GPATCH1: variants seen among roughly 807,000 people sequenced by gnomAD.
The protein encoded by GPATCH1 is G patch domain-containing protein 1.
Under a neutral mutation model 114.9 loss-of-function variants are expected in GPATCH1, and 73 were observed. The observed-to-expected ratio is 0.64, with a 90% CI of 0.53 to 0.77. The LOEUF (loss-of-function observed/expected upper bound fraction) is 0.77. GPATCH1 is among the 30% of genes least tolerant of loss of function. GPATCH1 has a pLI of 0.00. For missense variants in GPATCH1, 1,058 were observed against 1,144.3 expected, an observed-to-expected ratio of 0.92 and a Z score of 1.09; for synonymous variants, 391 against 428.4, an observed-to-expected ratio of 0.91 and a Z score of 1.08.
chr19:33,099,871 A>G (rs1415983300), intron 8 of GPATCH1, among the ~76,000 whole-genome samples: 1 of 151,308 alleles, frequency 6.6e-6, no homozygotes, highest in East Asian at 2.0e-4. Flanking sequence ...CCCGGGTTCA[A>G]GCAATTCTCC....
At chr19:33,084,100 A>G (rs773700236) in intron 1 of GPATCH1, among the ~76,000 whole-genome samples, 1 of 151,978 alleles carries the variant, frequency 6.6e-6, no homozygotes, top group African/African-American at 2.4e-5. Flanking sequence ...GTGAGCCACC[A>G]TGCCCAGCCA....
Position 33,101,535 on chromosome 19 carries a change from T to C in GPATCH1, c.1041T>C (p.Asp347=). 1 of 1,603,974 alleles carries C rather than the reference T, an allele frequency of 6.2e-7. No individual in the cohort carries two copies. Among genetic ancestry groups the C allele is most frequent in the Non-Finnish European group, 8.5e-7 (1 of 1,170,972 alleles). Residue 347 remains aspartate (D), a synonymous_variant, in exon 9 of 20, where the codon GAT becomes GAC. Coordinates refer to ENST00000170564, the MANE Select transcript of GPATCH1 (RefSeq NM_018025.3). ...TTCGGTACGTTGGCAAAATTTTGGA[T>C]GGATTTTCCTTGGCTTCTAAACCTT... The part of the protein sequence containing the change: ...KDLRYVGKIL[D]GFSLASKPLS...
At chr19:33,092,359 T>A (rs1022944403) in intron 3 of GPATCH1, among the ~76,000 whole-genome samples, 2 of 152,114 alleles carry the variant, frequency 1.3e-5, no homozygotes, top group Non-Finnish European at 2.9e-5. Context: ...CAGTCTCTTT[T>A]CTTAAAAGCA....
Position 33,104,028 on chromosome 19 carries a change from G to C in GPATCH1, c.1080+2454G>C, listed in dbSNP as rs553317102. ...AACAATGATTTGGCAGACAGACAGA[G>C]AGAAATACTTTCAATCCAAGACTGG... On this transcript the variant is annotated intron_variant, in intron 9 of 19. Coordinates refer to ENST00000170564, the MANE Select transcript of GPATCH1 (RefSeq NM_018025.3). Among the ~76,000 whole-genome samples, 10 of 152,122 alleles carry C rather than the reference G, an allele frequency of 6.6e-5. No homozygotes were observed. In the East Asian group the frequency reaches 1.2e-3, roughly 18 times the overall value.
chr19:33,130,202 A>T lies in GPATCH1; in HGVS notation c.*42A>T, dbSNP rs373886164. On this transcript the variant is annotated 3_prime_UTR_variant, in exon 20 of 20. Transcript: ENST00000170564. Reference sequence around the variant, plus strand: ...CTCGTCCTAGAATCATTTCTCCTCCATGATGGAAGCCCAGTGATTGTTCAG... The same window carrying T: ...CTCGTCCTAGAATCATTTCTCCTCCTTGATGGAAGCCCAGTGATTGTTCAG... 1.4e-6 allele frequency: 2 copies of T among 1,394,838 alleles called. No individual in the cohort carries two copies. Among genetic ancestry groups the T allele is most frequent in the Admixed American group, 3.4e-5 (2 of 59,530 alleles). The allele number at this position is 1,394,838 out of a possible 1,614,324, so 86.4% of individuals were successfully genotyped here.
chr19:33,092,177 T>A (rs1384854264), intron 3 of GPATCH1, among the ~76,000 whole-genome samples: 3 of 151,874 alleles, frequency 2.0e-5, no homozygotes, highest in African/African-American at 7.3e-5. Context: ...TTCCCCCGAG[T>A]AGCTGGGATT....
At chr19:33,096,663 C>G in intron 7 of GPATCH1, among the ~76,000 whole-genome samples, 1 of 151,914 alleles carries the variant, frequency 6.6e-6, no homozygotes, top group Non-Finnish European at 1.5e-5. Flanking sequence ...GGGTTTCGCT[C>G]TGTTACCCAG....
intron 17 of GPATCH1, among the ~76,000 whole-genome samples, chr19:33,124,598 G>A (rs1973019617): frequency 6.6e-6 from 1 of 152,204 alleles, no homozygotes; most frequent in African/African-American, 2.4e-5. Flanking sequence ...CAGATTCTGA[G>A]CTTCGAGAAT....
chr19:33,118,142 C>A, intron 16 of GPATCH1, 101 bp downstream of exon 16: 1 of 697,630 alleles, frequency 1.4e-6, no homozygotes, highest in Non-Finnish European at 2.5e-6. Context: ...GAATGATTAG[C>A]AATCAATGAT....
intron 10 of GPATCH1, among the ~76,000 whole-genome samples, chr19:33,109,255 G>A (rs1347395396): frequency 3.3e-5 from 5 of 152,126 alleles, no homozygotes; most frequent in East Asian, 3.9e-4. Flanking sequence ...GGTGGCTCAC[G>A]CCTGTAATCC....
At chr19:33,088,658 C>CTTTTT in intron 2 of GPATCH1, among the ~76,000 whole-genome samples, 1 of 96,212 alleles carries the variant, frequency 1.0e-5, no homozygotes, top group Non-Finnish European at 2.1e-5. Flanking sequence ...GCCACCTTTG[C>CTTTTT]TTTTTTTTTT....
chr19:33,101,559 T>G lies in GPATCH1; in HGVS notation c.1065T>G (p.Pro355=). 3 of 1,581,188 alleles carry G rather than the reference T, an allele frequency of 1.9e-6. No homozygotes were observed. Among genetic ancestry groups the G allele is most frequent in the Non-Finnish European group, 8.7e-7 (1 of 1,151,834 alleles). The change falls in exon 9 of 20, where the codon CCT becomes CCG. Residue 355 remains proline, a synonymous_variant. Transcript: ENST00000170564. ...ILDGFSLASK[P]LSSKKIYPPP... is the part of the protein sequence containing the mutation. ...ATGGATTTTCCTTGGCTTCTAAACC[T>G]TTATCTTCTAAGAAAGTAAGAAAAA...
chr19:33,110,303 G>T (rs1972838126), intron 11 of GPATCH1, among the ~76,000 whole-genome samples: 3 of 152,178 alleles, frequency 2.0e-5, no homozygotes, highest in African/African-American at 7.2e-5. Context: ...GCAAGTGCTT[G>T]ACTGCTACAA....
Position 33,089,900 on chromosome 19 carries a change from G to A in GPATCH1, c.209-880G>A, listed in dbSNP as rs531242985. Among the ~76,000 whole-genome samples the A allele has an allele frequency of 7.7e-3, 1,167 of 151,836 alleles. 16 individuals carry two copies. The highest frequency in any genetic ancestry group is 0.027 in the African/African-American group (1,128 of 41,406). ...TTCCCCAAGTGCTGGGATTACAGGCGTGAGCCACCATGCCCGGCCTTACCA... is the reference window on the plus strand; with the variant it reads ...TTCCCCAAGTGCTGGGATTACAGGCATGAGCCACCATGCCCGGCCTTACCA... On this transcript the variant is annotated intron_variant, in intron 2 of 19. Transcript: ENST00000170564.
intron 17 of GPATCH1, among the ~76,000 whole-genome samples, chr19:33,120,282 A>AAAAATTATATAAAATTATATAT (rs1303547965): frequency 2.9e-5 from 4 of 135,596 alleles, no homozygotes; most frequent in African/African-American, 5.9e-5. Flanking sequence ...AATTATATAT[A>AAAAATTATATAAAATTATATAT]AAAATTATAT....
At chr19:33,115,225 ATTTTTTTTTTTTTTTTTTT>A (rs71176196) in intron 15 of GPATCH1, among the ~76,000 whole-genome samples, 4 of 56,860 alleles carry the variant, frequency 7.0e-5, no homozygotes, top group Non-Finnish European at 1.2e-4. Flanking sequence ...TGCCTGGCTA[ATTTTTTTTTTTTTTTTTTT>A]TTTTTTTTTT....
chr19:33,127,519 TAAA>T (rs60093662), intron 19 of GPATCH1, among the ~76,000 whole-genome samples: 18 of 106,406 alleles, frequency 1.7e-4, no homozygotes, highest in South Asian at 5.2e-4. Flanking sequence ...CTTGTCTCAA[TAAA>T]AAAAAAAAAA....
intron 7 of GPATCH1, among the ~76,000 whole-genome samples, chr19:33,097,070 T>C (rs12609828): frequency 0.41 from 62,876 of 151,668 alleles, 16,472 homozygotes; most frequent in African/African-American, 0.73. Flanking sequence ...CTCAGCCACC[T>C]GACTAGCTGA....
In GPATCH1 at chr19:33,092,009, C is replaced by T. The variant is rs188729380; in HGVS notation, c.294+1144C>T. On this transcript the variant is annotated intron_variant, in intron 3 of 19. Coordinates refer to ENST00000170564, the MANE Select transcript of GPATCH1 (RefSeq NM_018025.3). ...GTTCCAGGTGGCACATCCAGGATGACGTTGTTCAAGAGAACTTTCCTCTTG... is the reference window on the plus strand; with the variant it reads ...GTTCCAGGTGGCACATCCAGGATGATGTTGTTCAAGAGAACTTTCCTCTTG... Among the ~76,000 whole-genome samples, 8 of 151,788 alleles carry T rather than the reference C, an allele frequency of 5.3e-5. No homozygotes were observed. In the East Asian group the frequency reaches 7.8e-4, roughly 15 times the overall value.
Sources: gnomAD v4.1 joint callset for allele counts (sites outside exome capture counted in the v4.1 genomes callset) on GRCh38, gnomAD v4.1.1 for gene constraint, MANE v1.5 for transcripts, NCBI Gene and HGNC (gene_info 2026-07-23, HGNC 2026-07-21) for gene names.